ESRRG: variants seen among roughly 807,000 people sequenced by gnomAD.
ESRRG encodes estrogen-related receptor gamma.
A neutral mutation model predicts 44.0 loss-of-function variants in ESRRG; 13 were observed. The ratio of observed to expected loss-of-function variants is 0.30; its 90% confidence interval spans 0.19 to 0.47. ESRRG has a LOEUF of 0.47. ESRRG is among the 20% of genes least tolerant of loss of function. ESRRG has a pLI of 1.00. For synonymous variants in ESRRG, 215 were observed against 214.6 expected, an observed-to-expected ratio of 1.00 and a Z score of -0.02; for missense variants, 395 against 580.6, an observed-to-expected ratio of 0.68 and a Z score of 3.29.
At chr1:216,904,110 C>G (rs2059412773) in intron 2 of ESRRG, among the ~76,000 whole-genome samples, 1 of 152,134 alleles carries the variant, frequency 6.6e-6, no homozygotes, top group East Asian at 1.9e-4. Flanking sequence ...AAAAATGCCC[C>G]TAGCACAAAG....
intron 1 of ESRRG, among the ~76,000 whole-genome samples, chr1:216,961,376 TA>T (rs1553738614): frequency 6.6e-6 from 1 of 151,958 alleles, no homozygotes; most frequent in Non-Finnish European, 1.5e-5. Context: ...TTACCAACCA[TA>T]AAAAAATGAT....
chr1:217,067,479 G>T (rs1203021870), intron 1 of ESRRG, among the ~76,000 whole-genome samples: 2 of 152,156 alleles, frequency 1.3e-5, no homozygotes, highest in African/African-American at 4.8e-5. Context: ...AATATTAGTT[G>T]CTGCCAGTTA....
chr1:217,108,556 C>A (rs1257189945), intron 1 of ESRRG, among the ~76,000 whole-genome samples: 2 of 152,018 alleles, frequency 1.3e-5, no homozygotes, highest in Non-Finnish European at 2.9e-5. Flanking sequence ...AGGCAGAATT[C>A]TCATGAATGG....
rs530806141 is a variant in ESRRG, at chr1:216,653,883, G to A, written c.473-2794C>T. The stretch of plus-strand genomic sequence containing the variant: ...AATTCCAACACTTTGGGAGGCCGAG[G>A]CAGGTGAATCACTTGAGGTCAGGAG... On this transcript the variant is annotated intron_variant, in intron 2 of 6. Transcript: ENST00000408911. Among the ~76,000 whole-genome samples, 3 of 152,002 alleles carry A rather than the reference G, an allele frequency of 2.0e-5. No individual in the cohort carries two copies. In the East Asian group the frequency reaches 5.8e-4, roughly 29 times the overall value.
At chr1:216,523,002 T>C (rs2046543934) in intron 5 of ESRRG, among the ~76,000 whole-genome samples, 1 of 152,196 alleles carries the variant, frequency 6.6e-6, no homozygotes, top group African/African-American at 2.4e-5. Context: ...AAATAAAATA[T>C]GCTTTGCAGT....
intron 1 of ESRRG, among the ~76,000 whole-genome samples, chr1:217,046,598 A>G (rs2084919206): frequency 6.6e-6 from 1 of 152,196 alleles, no homozygotes; most frequent in Non-Finnish European, 1.5e-5. Flanking sequence ...AGAATGGGAT[A>G]AGAATGGAGA....
At chr1:216,665,797 T>C (rs762274931) in intron 2 of ESRRG, among the ~76,000 whole-genome samples, 1 of 152,170 alleles carries the variant, frequency 6.6e-6, no homozygotes, top group Non-Finnish European at 1.5e-5. Flanking sequence ...CTGTACCTAA[T>C]TTTGAGCTTA....
intron 2 of ESRRG, among the ~76,000 whole-genome samples, chr1:216,825,600 G>T (rs2095377690): frequency 6.6e-6 from 1 of 152,134 alleles, no homozygotes; most frequent in Non-Finnish European, 1.5e-5. Context: ...GAAGACGAAT[G>T]GGAAAGAGAA....
At chr1:216,510,068 C>T (rs1271140898) in intron 6 of ESRRG, among the ~76,000 whole-genome samples, 1 of 152,166 alleles carries the variant, frequency 6.6e-6, no homozygotes. Flanking sequence ...ACCAGCTAAA[C>T]TTAATGGATA....
chr1:217,042,123 T>C (rs4360582), intron 1 of ESRRG, among the ~76,000 whole-genome samples: 29,730 of 152,232 alleles, frequency 0.2, 3,077 homozygotes, highest in Middle Eastern at 0.32. Flanking sequence ...ATTTCTGCTT[T>C]GATAAAATGT....
At chr1:217,046,581 A>G (rs1439405195) in intron 1 of ESRRG, among the ~76,000 whole-genome samples, 1 of 152,170 alleles carries the variant, frequency 6.6e-6, no homozygotes, top group African/African-American at 2.4e-5. Context: ...AATCTTAAGA[A>G]TCACACAGAA....
chr1:217,125,039 C>G (rs1215296587), intron 1 of ESRRG, among the ~76,000 whole-genome samples: 1 of 152,192 alleles, frequency 6.6e-6, no homozygotes, highest in African/African-American at 2.4e-5. Context: ...CACTCCATTT[C>G]TAAATTCTCA....
chr1:217,096,079 A>T (rs1166436416), intron 1 of ESRRG, among the ~76,000 whole-genome samples: 1 of 152,204 alleles, frequency 6.6e-6, no homozygotes, highest in Non-Finnish European at 1.5e-5. Flanking sequence ...TAAAACATGA[A>T]ATTATATAAC....
At chr1:217,002,370 A>G (rs750139665) in intron 1 of ESRRG, among the ~76,000 whole-genome samples, 11 of 151,778 alleles carry the variant, frequency 7.2e-5, no homozygotes, top group Non-Finnish European at 1.3e-4. Flanking sequence ...AACAGAGATT[A>G]TGCACATTGT....
intron 5 of ESRRG, among the ~76,000 whole-genome samples, chr1:216,557,466 T>A (rs550338419): frequency 6.6e-6 from 1 of 152,144 alleles, no homozygotes; most frequent in Non-Finnish European, 1.5e-5. Flanking sequence ...TTAAGTTAAA[T>A]ATACTATGTG....
intron 2 of ESRRG, among the ~76,000 whole-genome samples, chr1:216,885,513 G>T (rs978646401): frequency 6.6e-6 from 1 of 151,514 alleles, no homozygotes; most frequent in Non-Finnish European, 1.5e-5. Flanking sequence ...TTCCAAGTTA[G>T]ATTTTGCTTG....
intron 1 of ESRRG, among the ~76,000 whole-genome samples, chr1:216,967,224 G>A (rs150968748): frequency 2.0e-5 from 3 of 152,098 alleles, no homozygotes; most frequent in African/African-American, 7.2e-5. Context: ...TACAACTAAT[G>A]AACTTACATT....
rs1419916775 is a variant in ESRRG at position 217,019,680 on chromosome 1, C to A, written c.-106+69827G>T. On this transcript the variant is annotated intron_variant, in intron 1 of 7. Transcript: ENST00000359162. The stretch of plus-strand genomic sequence containing the variant: ...AAACACTGAGCCTGTCATATTCGTT[C>A]TTTTCTTCCACTTATCATTTTTGTC... 6.6e-5 allele frequency among the ~76,000 whole-genome samples: 10 copies of A among 152,138 alleles called. 1 individual carries two copies. In the South Asian group the frequency reaches 2.1e-3, roughly 32 times the overall value.
At chr1:216,722,855 T>A (rs1559410202) in intron 1 of ESRRG, among the ~76,000 whole-genome samples, 1 of 152,270 alleles carries the variant, frequency 6.6e-6, no homozygotes, top group Middle Eastern at 3.4e-3. Flanking sequence ...AGGCCCTCAA[T>A]AGTATAAATC....
Sources: gnomAD v4.1 joint callset for allele counts (sites outside exome capture counted in the v4.1 genomes callset) on GRCh38, gnomAD v4.1.1 for gene constraint, MANE v1.5 for transcripts, NCBI Gene and HGNC (gene_info 2026-07-23, HGNC 2026-07-21) for gene names.